Variants in PICALM observed in about 807,000 individuals in gnomAD.
PICALM encodes phosphatidylinositol-binding clathrin assembly protein.
PICALM carries 40 observed loss-of-function variants against 80.5 expected under a neutral mutation model. The ratio of observed to expected loss-of-function variants is 0.50; its 90% CI spans 0.39 to 0.65. The LOEUF is 0.65. PICALM is among the 30% of genes least tolerant of loss of function. The pLI, the probability that PICALM is intolerant of heterozygous loss-of-function variation, is 0.00. For missense variants in PICALM, 676 were observed against 778.9 expected (o/e 0.87, Z 1.57); for synonymous variants, 288 against 260.3 (o/e 1.11, Z -1.02).
intron 16 of PICALM, among the ~76,000 whole-genome samples, chr11:85,981,502 G>C (rs1490617632): frequency 1.3e-5 from 2 of 152,012 alleles, no homozygotes; most frequent in African/African-American, 2.4e-5. Flanking sequence ...AGCTACTTGA[G>C]AGGCTGAGGC....
At chr11:86,014,437 G>A (rs1244963576) in intron 5 of PICALM, among the ~76,000 whole-genome samples, 19 of 152,056 alleles carry the variant, frequency 1.2e-4, no homozygotes, top group Admixed American at 1.2e-3. Context: ...AATGCCCTTG[G>A]GCAATAGCTA....
chr11:86,035,274 A>G (rs996027767), intron 1 of PICALM, among the ~76,000 whole-genome samples: 1 of 152,192 alleles, frequency 6.6e-6, no homozygotes, highest in Non-Finnish European at 1.5e-5. Context: ...AGATTTCCCC[A>G]GGCAGAGTTC....
At chr11:86,002,063 G>GAAT (rs1238298871) in intron 9 of PICALM, among the ~76,000 whole-genome samples, 1 of 152,132 alleles carries the variant, frequency 6.6e-6, no homozygotes, top group Admixed American at 6.5e-5. Context: ...GACAAAGGAA[G>GAAT]AATAACATAG....
intron 19 of PICALM, among the ~76,000 whole-genome samples, chr11:85,965,189 C>T (rs1481311726): frequency 1.3e-5 from 2 of 152,088 alleles, no homozygotes; most frequent in Non-Finnish European, 2.9e-5. Flanking sequence ...CTCTCTCTGC[C>T]TTTCTGCCTG....
At chr11:85,980,222 C>T (rs887747575) in intron 17 of PICALM, among the ~76,000 whole-genome samples, 9 of 152,118 alleles carry the variant, frequency 5.9e-5, no homozygotes, top group African/African-American at 2.2e-4. Flanking sequence ...TGGTTCAGCT[C>T]TCATACCAGA....
chr11:86,048,502 T>C (rs1439934740), intron 1 of PICALM, among the ~76,000 whole-genome samples: 2 of 152,032 alleles, frequency 1.3e-5, no homozygotes, highest in Non-Finnish European at 2.9e-5. Flanking sequence ...CACAAATACA[T>C]AGTTCTGTGA....
At chr11:86,005,523 G>C (rs1221981180) in intron 8 of PICALM, among the ~76,000 whole-genome samples, 2 of 152,050 alleles carry the variant, frequency 1.3e-5, no homozygotes. Flanking sequence ...GCGGAATATA[G>C]GGAGACCCTG....
intron 1 of PICALM, among the ~76,000 whole-genome samples, chr11:86,062,718 G>GCTAA (rs888037483): frequency 1.9e-4 from 29 of 152,006 alleles, no homozygotes; most frequent in African/African-American, 5.8e-4. Flanking sequence ...CAAAGGCTTA[G>GCTAA]GTTCATCAAG....
chr11:86,067,721 G>C (rs779472236), intron 1 of PICALM, among the ~76,000 whole-genome samples: 21 of 152,044 alleles, frequency 1.4e-4, no homozygotes, highest in Non-Finnish European at 2.9e-4. Flanking sequence ...AACAGTCTAC[G>C]CTTAACACTC....
intron 1 of PICALM, among the ~76,000 whole-genome samples, chr11:86,061,306 G>A (rs868423830): frequency 8.0e-5 from 11 of 137,338 alleles, no homozygotes; most frequent in Admixed American, 6.9e-4. Context: ...ACTCCAGCCC[G>A]GGAGACAGAG....
chr11:86,034,319 A>C (rs2095806367), intron 1 of PICALM, among the ~76,000 whole-genome samples: 1 of 152,108 alleles, frequency 6.6e-6, no homozygotes, highest in African/African-American at 2.4e-5. Flanking sequence ...TATCTGTACA[A>C]TGTTTCTCAT....
intron 9 of PICALM, among the ~76,000 whole-genome samples, chr11:86,001,556 C>T (rs182300705): frequency 1.5e-3 from 233 of 152,312 alleles, no homozygotes; most frequent in Admixed American, 2.5e-3. Context: ...TTACAGCCTA[C>T]GTTTCGGCAG....
rs914561533 is a variant in PICALM at position 85,965,815 on chromosome 11, G to GTTTTTTTTTTT, written c.1945-6766_1945-6756dup. On this transcript the variant is annotated intron_variant, in intron 19 of 19. Coordinates refer to ENST00000393346, the MANE Select transcript of PICALM (RefSeq NM_007166.4). Reference sequence around the variant, plus strand: ...AATGCATTACCCATTTTGTTTTTTTGTTTTTTTTTTTTTTTTTTTTTTTGA... The same window carrying GTTTTTTTTTTT: ...AATGCATTACCCATTTTGTTTTTTTGTTTTTTTTTTTTTTTTTTTTTTTTTTTTTTTTTTGA... Among the ~76,000 whole-genome samples, 3 of 108,152 alleles carry GTTTTTTTTTTT rather than the reference G, an allele frequency of 2.8e-5. 1 individual carries two copies. The highest frequency in any genetic ancestry group is 5.5e-5 in the Non-Finnish European group (3 of 54,934). 71.0% of individuals were successfully genotyped at this position (108,152 alleles called of 152,430 possible).
chr11:86,022,612 T>G, intron 3 of PICALM, 143 bp from the exon 4 acceptor site: 1 of 506,502 alleles, frequency 2.0e-6, no homozygotes, highest in Non-Finnish European at 3.5e-6. Context: ...ATTTAGTATG[T>G]AAATTAAGTA....
chr11:85,983,973 C>G lies in PICALM; in HGVS notation c.1409G>C (p.Gly470Ala), dbSNP rs780901532. 6.9e-7 allele frequency: 1 copy of G among 1,450,160 alleles called. No homozygotes were observed. Among genetic ancestry groups the G allele is most frequent in the Middle Eastern group, 1.7e-4 (1 of 5,758 alleles). The allele number at this position is 1,450,160 out of a possible 1,614,324, so 89.8% of individuals were successfully genotyped here. A position where few individuals can be genotyped will look rare whatever the true frequency, so the allele number is the denominator to read the frequency against. Reference protein sequence around the residue: ...TRTPTHEMFVGFTPSPVAQPH... With the variant: ...TRTPTHEMFVAFTPSPVAQPH... ...CTGTGCAACTGGAGAAGGAGTGAAT[C>G]CTGAGTAAACCAAAATGGAAAAAAG... The change falls in exon 14 of 20, where the codon GGA (glycine) becomes GCA (alanine). Residue 470 changes from glycine to alanine, a missense_variant and splice_region_variant. Physicochemically the swap from Gly to Ala is moderately conservative, Grantham distance 60. Around this residue, in one of 2 missense-constraint regions of PICALM, gnomAD observed 391 missense variants for 383.6 expected, o/e 1.02. Transcript: ENST00000393346.
At chr11:86,005,234 T>C (rs1056862634) in intron 8 of PICALM, among the ~76,000 whole-genome samples, 3 of 152,240 alleles carry the variant, frequency 2.0e-5, no homozygotes, top group African/African-American at 7.2e-5. Flanking sequence ...TACCAAATCC[T>C]GGACTGAAAC....
At chr11:85,975,127 T>C (rs1212086888) in intron 18 of PICALM, among the ~76,000 whole-genome samples, 2 of 152,230 alleles carry the variant, frequency 1.3e-5, no homozygotes, top group Non-Finnish European at 2.9e-5. Flanking sequence ...AGTTTCCAAA[T>C]TTATCAGGTT....
At chr11:86,021,419 A>G (rs1337438338) in intron 4 of PICALM, among the ~76,000 whole-genome samples, 3 of 152,012 alleles carry the variant, frequency 2.0e-5, no homozygotes, top group East Asian at 1.9e-4. Context: ...AAAATGCTCA[A>G]TATCATTAGC....
intron 1 of PICALM, among the ~76,000 whole-genome samples, chr11:86,052,319 CAATT>C (rs2096203290): frequency 6.6e-6 from 1 of 152,184 alleles, no homozygotes; most frequent in African/African-American, 2.4e-5. Flanking sequence ...AACTGTGAGT[CAATT>C]AAACCTCTTT....
Sources: allele counts gnomAD v4.1 joint callset (sites outside exome capture counted in the v4.1 genomes callset), GRCh38; gene constraint gnomAD v4.1.1; regional missense constraint gnomAD v4.1.1; transcripts MANE v1.5; gene names NCBI Gene and HGNC (gene_info 2026-07-23, HGNC 2026-07-21).